Variants in MYBPC1 observed in about 807,000 individuals in gnomAD.
MYBPC1 encodes the protein myosin-binding protein C, slow-type.
In MYBPC1, 52 loss-of-function variants were observed where a neutral mutation model predicts 147.1. The ratio of observed to expected loss-of-function variants is 0.35; its 90% CI spans 0.28 to 0.45. MYBPC1 has a LOEUF of 0.45. Among genes scored for constraint, MYBPC1 ranks in the 20% least tolerant of loss-of-function variants. MYBPC1 has a pLI of 1.00. For synonymous variants in MYBPC1, 477 were observed against 475.9 expected, an observed-to-expected ratio of 1.00 and a Z score of -0.03; for missense variants, 1,228 against 1,440.3, an observed-to-expected ratio of 0.85 and a Z score of 2.39.
chr12:101,643,952 C>A (rs17031741), intron 11 of MYBPC1, among the ~76,000 whole-genome samples: 5,340 of 152,228 alleles, frequency 0.035, 315 homozygotes, highest in African/African-American at 0.12. Context: ...GGTTAAAAAA[C>A]CATCTGTGAC....
At chr12:101,666,793 G>A in intron 22 of MYBPC1, 3 of 1,613,238 alleles carry the variant, frequency 1.9e-6, no homozygotes, top group Non-Finnish European at 2.5e-6. Context: ...CCTATGATCT[G>A]CCAGGTAAAG....
Position 101,680,384 on chromosome 12 carries a change from T to C in MYBPC1, c.3288T>C (p.Asp1096=), listed in dbSNP as rs1349035265. 3.1e-6 allele frequency: 5 copies of C among 1,614,098 alleles called. No homozygotes were observed. The highest frequency in any genetic ancestry group is 4.2e-6 in the Non-Finnish European group (5 of 1,179,982). Residue 1096 remains aspartate, a synonymous_variant, in exon 29 of 32, where the codon GAT becomes GAC. Transcript: ENST00000361466. ...TWMKNKVAIV[D]DPRYRMFSNQ... ...TGAAAAACAAAGTTGCTATTGTGGA[T>C]GATCCAAGATACAGGATGTTCAGCA...
intron 5 of MYBPC1, 185 bp downstream of exon 5, chr12:101,627,989 T>C: frequency 1.5e-6 from 1 of 664,200 alleles, no homozygotes; most frequent in Non-Finnish European, 2.6e-6. Context: ...TTTTGCATGA[T>C]ACACACGCAT....
At chr12:101,655,078 AAAGT>A (rs749170329) in intron 18 of MYBPC1, among the ~76,000 whole-genome samples, 6 of 152,086 alleles carry the variant, frequency 3.9e-5, no homozygotes, top group Non-Finnish European at 7.4e-5. Context: ...AATGAGGAGA[AAAGT>A]CAGTTACAGC....
rs1344633244 is a variant in MYBPC1, at chr12:101,642,313, CA to C, written c.666-105del. 3 of 1,228,888 alleles carry C rather than the reference CA, an allele frequency of 2.4e-6. No individual in the cohort carries two copies. In the African/African-American group the frequency reaches 4.4e-5, roughly 18 times the overall value. 76.1% of individuals were successfully genotyped at this position (1,228,888 alleles called of 1,614,324 possible). On this transcript the variant is annotated intron_variant, in intron 10 of 31. Coordinates refer to ENST00000361466, the MANE Select transcript of MYBPC1 (RefSeq NM_002465.4). ...GGGCTTCAAGTACTCAGGCTTTAAA[CA>C]GAGCTTTTTTACACTGAACTGAAAA...
intron 5 of MYBPC1, among the ~76,000 whole-genome samples, chr12:101,628,475 C>T (rs957000806): frequency 1.3e-5 from 2 of 152,248 alleles, no homozygotes; most frequent in Non-Finnish European, 2.9e-5. Flanking sequence ...TGATGGCCTA[C>T]TACTACAGAT....
intron 3 of MYBPC1, among the ~76,000 whole-genome samples, chr12:101,626,078 A>G: frequency 8.5e-6 from 1 of 116,962 alleles, no homozygotes; most frequent in Non-Finnish European, 1.7e-5. Context: ...AAAAGAGTGA[A>G]ACTCTGTCTC....
Position 101,642,602 on chromosome 12 carries a change from G to A in MYBPC1, c.832+17G>A, listed in dbSNP as rs542961176. 12 of 1,603,252 alleles carry A rather than the reference G, an allele frequency of 7.5e-6. No individual in the cohort carries two copies. The highest frequency in any genetic ancestry group is 5.3e-5 in the African/African-American group (4 of 74,986). ...AGAGCGCAGGTGAGCGCTCCCGGGG[G>A]CGAGGCAGCGGCCGAGGGGCGTGGC... On this transcript the variant is annotated intron_variant, in intron 11 of 31. Transcript: ENST00000361466.
At chr12:101,628,031 G>C (rs955191583) in intron 5 of MYBPC1, 12 of 507,658 alleles carry the variant, frequency 2.4e-5, no homozygotes, top group African/African-American at 1.7e-4. Flanking sequence ...CCACAGGTTT[G>C]TTCTATCATT....
In MYBPC1 at chr12:101,677,280, A is replaced by G. The variant is rs201037303; in HGVS notation, c.2995A>G (p.Ile999Val). 2 of 1,613,866 alleles carry G rather than the reference A, an allele frequency of 1.2e-6. No individual in the cohort carries two copies. Among genetic ancestry groups the G allele is most frequent in the East Asian group, 4.5e-5 (2 of 44,874 alleles). ...IEHYHRTSAT[I>V]TELVIGNEYY... ...GCATTATCATCGAACCAGTGCCACC[A>G]TTACTGAATTGGTCATAGGGAATGA... The change falls in exon 27 of 32, where the codon ATT becomes GTT. Residue 999 changes from isoleucine to valine, a missense_variant. This residue lies in a region of MYBPC1 where 1,077 missense variants were observed against 1,314.2 expected (regional missense o/e 0.82). Coordinates refer to ENST00000361466, the MANE Select transcript of MYBPC1 (RefSeq NM_002465.4).
intron 21 of MYBPC1, among the ~76,000 whole-genome samples, chr12:101,663,182 C>T (rs1896868927): frequency 6.6e-6 from 1 of 152,104 alleles, no homozygotes; most frequent in Non-Finnish European, 1.5e-5. Flanking sequence ...TTCTTTGGGC[C>T]TCCCAGCTTC....
chr12:101,627,675 A>C (rs1343996744), intron 4 of MYBPC1, 94 bp from the exon 5 acceptor site: 2 of 1,408,036 alleles, frequency 1.4e-6, no homozygotes, highest in Admixed American at 3.4e-5. Flanking sequence ...CAGAGGAGAC[A>C]GGGTTTAGGG....
At chr12:101,634,408 C>A in intron 8 of MYBPC1, 146 bp from the exon 9 acceptor site, 1 of 685,104 alleles carries the variant, frequency 1.5e-6, no homozygotes, top group South Asian at 1.6e-5. Context: ...ATGATGAGGC[C>A]TTGGCAGCAC....
rs1166918884 is a variant in MYBPC1 at position 101,631,719 on chromosome 12, G to A, written c.438G>A (p.Arg146=). ...AGGAAACCTTTGAGAGGCACAGTCG[G>A]GTAAGGCCCTGAACTCCCAGGACAG... ...QLKETFERHS[R]VYTFEMQIIK... The change falls in exon 7 of 32, where the codon CGG becomes CGA. Residue 146 remains arginine, a splice_region_variant and synonymous_variant. Transcript: ENST00000361466. 1 of 1,613,952 alleles carries A rather than the reference G, an allele frequency of 6.2e-7. No homozygotes were observed. The highest frequency in any genetic ancestry group is 1.3e-5 in the African/African-American group (1 of 74,924).
At chr12:101,622,636 G>A (rs767958209) in intron 3 of MYBPC1, among the ~76,000 whole-genome samples, 4 of 152,090 alleles carry the variant, frequency 2.6e-5, no homozygotes, top group Admixed American at 6.5e-5. Flanking sequence ...TCAGGAGACC[G>A]AGGCAGAAGA....
Position 101,685,740 on chromosome 12 carries a change from A to G in MYBPC1, c.*178A>G, listed in dbSNP as rs1951315110. On this transcript the variant is annotated 3_prime_UTR_variant, in exon 32 of 32. Transcript: ENST00000361466. ...GCTGCTTTGAAATCTGGTTGAAATG[A>G]GAAAAAGCATTTTCTGTTTTCCCAC... 3 of 1,277,480 alleles carry G rather than the reference A, an allele frequency of 2.3e-6. No homozygotes were observed. The highest frequency in any genetic ancestry group is 3.1e-5 in the African/African-American group (2 of 65,376). The allele number at this position is 1,277,480 out of a possible 1,614,324, so 79.1% of individuals were successfully genotyped here. A position where few individuals can be genotyped will look rare whatever the true frequency, so the allele number is the denominator to read the frequency against.
rs1889394033 is a variant in MYBPC1, at chr12:101,629,541, G to A, written c.286G>A (p.Val96Ile). 2 of 1,604,470 alleles carry A rather than the reference G, an allele frequency of 1.2e-6. No individual in the cohort carries two copies. Among genetic ancestry groups the A allele is most frequent in the Non-Finnish European group, 1.7e-6 (2 of 1,171,524 alleles). ...IEKPQGGTVKVGEDITFIAKV... is the reference protein window; with the variant it reads ...IEKPQGGTVKIGEDITFIAKV... Reference sequence around the variant, plus strand: ...AAAACCTCAAGGAGGAACAGTGAAAGTTGGTGAGTGCCTAGCATTCAATCC... The same window carrying A: ...AAAACCTCAAGGAGGAACAGTGAAAATTGGTGAGTGCCTAGCATTCAATCC... The change falls in exon 6 of 32, where the codon GTT (valine) becomes ATT (isoleucine). Residue 96 changes from valine to isoleucine, a missense_variant. Coordinates refer to ENST00000361466, the MANE Select transcript of MYBPC1 (RefSeq NM_002465.4).
chr12:101,639,780 T>C (rs1489915064), intron 10 of MYBPC1, among the ~76,000 whole-genome samples: 2 of 152,138 alleles, frequency 1.3e-5, no homozygotes, highest in Admixed American at 1.3e-4. Flanking sequence ...ATTTTAATTA[T>C]ATCTAGCTTG....
chr12:101,654,761 C>G lies in MYBPC1; in HGVS notation c.1767+1513C>G, dbSNP rs547389090. Among the ~76,000 whole-genome samples, 4 of 152,234 alleles carry G rather than the reference C, an allele frequency of 2.6e-5. No homozygotes were observed. The East Asian group carries it at 5.8e-4, about 22-fold the overall frequency. On this transcript the variant is annotated intron_variant, in intron 18 of 31. Coordinates refer to ENST00000361466, the MANE Select transcript of MYBPC1 (RefSeq NM_002465.4). ...CACAAGGCCAATAGTAGTGCCTGTT[C>G]CCCCTAGCTAGACATGAAAACCTCA...
Sources: allele counts gnomAD v4.1 joint callset (sites outside exome capture counted in the v4.1 genomes callset), GRCh38; gene constraint gnomAD v4.1.1; regional missense constraint gnomAD v4.1.1; transcripts MANE v1.5; gene names NCBI Gene and HGNC (gene_info 2026-07-23, HGNC 2026-07-21).